The following CELA1 variants were observed in gnomAD, a reference collection of about 807,000 sequenced individuals.
CELA1 encodes the protein chymotrypsin-like elastase family member 1.
A neutral mutation model predicts 34.8 loss-of-function variants in CELA1; 28 were observed. That is an observed-to-expected ratio of 0.80 (90% CI 0.60 to 1.10). The LOEUF is 1.10. Ranked by LOEUF, CELA1 falls within the 50% of genes least tolerant of loss-of-function variation. CELA1 has a pLI of 0.00. For synonymous variants in CELA1, 140 were observed against 129.8 expected (o/e 1.08, Z -0.53); for missense variants, 288 against 327.5 (o/e 0.88, Z 0.93).
intron 5 of CELA1, among the ~76,000 whole-genome samples, chr12:51,340,809 C>T (rs1946529627): frequency 6.6e-6 from 1 of 152,020 alleles, no homozygotes; most frequent in Non-Finnish European, 1.5e-5. Context: ...AGTTCGAGGC[C>T]AGCCTAGGCA....
rs534392117 is a variant in CELA1 at position 51,345,856 on chromosome 12, G to A, written c.38C>T (p.Pro13Leu). Reference sequence around the variant, plus strand: ...TCCGACTACGCGGGCATTGGTTTCCGGAAGGTCCTGGGTGCTGTGTCCTTT... The same window carrying A: ...TCCGACTACGCGGGCATTGGTTTCCAGAAGGTCCTGGGTGCTGTGTCCTTT... ...VLYGHSTQDL[P>L]ETNARVVGGT... The change falls in exon 2 of 8, where the codon CCG becomes CTG. Residue 13 changes from proline to leucine, a missense_variant. Coordinates refer to ENST00000293636, the MANE Select transcript of CELA1 (RefSeq NM_001971.6). 2,258 of 1,558,966 alleles carry A rather than the reference G, an allele frequency of 1.4e-3. 49 individuals carry two copies. The South Asian group carries it at 0.025, about 17-fold the overall frequency.
At position 51,328,488 on chromosome 12, in the gene CELA1, T is replaced by C. The variant is rs978707791; in HGVS notation, c.*89A>G. 2.9e-5 allele frequency: 38 copies of C among 1,309,904 alleles called. No individual in the cohort carries two copies. The highest frequency in any genetic ancestry group is 3.7e-4 in the Middle Eastern group (2 of 5,450). The allele number at this position is 1,309,904 out of a possible 1,614,324, so 81.1% of individuals were successfully genotyped here. On this transcript the variant is annotated 3_prime_UTR_variant, in exon 8 of 8. Coordinates refer to ENST00000293636, the MANE Select transcript of CELA1 (RefSeq NM_001971.6). ...TGCTTTTCTATCAATGGCTCAATAG[T>C]CTTTCAGAATGTGTTTTACTTTTTG...
chr12:51,330,171 C>G (rs1946461901), intron 6 of CELA1, among the ~76,000 whole-genome samples: 1 of 152,184 alleles, frequency 6.6e-6, no homozygotes, highest in African/African-American at 2.4e-5. Context: ...CTTTAAATAT[C>G]TAAAGTTCAA....
chr12:51,341,448 C>A, intron 4 of CELA1, 68 bp from the exon 5 acceptor site: 1 of 1,554,142 alleles, frequency 6.4e-7, no homozygotes, highest in Non-Finnish European at 8.8e-7. Context: ...TATACACTGG[C>A]CCTCTCTAAG....
intron 6 of CELA1, among the ~76,000 whole-genome samples, chr12:51,332,088 G>A (rs1946473293): frequency 6.6e-6 from 1 of 151,888 alleles, no homozygotes; most frequent in Non-Finnish European, 1.5e-5. Flanking sequence ...AGGAGATTGA[G>A]GTGGGAGGAT....
chr12:51,333,307 T>G (rs1199779991), intron 6 of CELA1, among the ~76,000 whole-genome samples: 1 of 152,058 alleles, frequency 6.6e-6, no homozygotes, highest in Non-Finnish European at 1.5e-5. Context: ...TTGGTCAGGC[T>G]GGTCTTGAAC....
intron 6 of CELA1, among the ~76,000 whole-genome samples, chr12:51,336,171 G>A (rs1188410935): frequency 6.6e-6 from 1 of 152,038 alleles, no homozygotes; most frequent in East Asian, 1.9e-4. Flanking sequence ...TCCTTTCTTA[G>A]ATCCTAGTGG....
intron 1 of CELA1, 123 bp downstream of exon 1, chr12:51,346,500 C>T: frequency 4.5e-6 from 4 of 893,236 alleles, no homozygotes; most frequent in Non-Finnish European, 7.3e-6. Flanking sequence ...GGACAGGGTG[C>T]TGGCCTGGAC....
At chr12:51,344,252 C>T (rs892998016) in intron 2 of CELA1, among the ~76,000 whole-genome samples, 2 of 152,182 alleles carry the variant, frequency 1.3e-5, no homozygotes, top group Non-Finnish European at 2.9e-5. Context: ...AGGGATGCTC[C>T]ATCGCTTGGT....
Position 51,329,673 on chromosome 12 carries a change from A to C in CELA1, c.759+11T>G. ...TGACCCCATTTCAACCCATCATTTG[A>C]GAGGACTCACATTATTTATCCAGGA... On this transcript the variant is annotated intron_variant, in intron 7 of 7. Transcript: ENST00000293636. The C allele has an allele frequency of 6.2e-7, 1 of 1,601,482 alleles. No individual in the cohort carries two copies. Among genetic ancestry groups the C allele is most frequent in the South Asian group, 1.1e-5 (1 of 89,490 alleles).
At chr12:51,334,567 GGGACTAC>G (rs1476729088) in intron 6 of CELA1, among the ~76,000 whole-genome samples, 3 of 152,212 alleles carry the variant, frequency 2.0e-5, no homozygotes, top group African/African-American at 7.2e-5. Context: ...CCGAGTAGCT[GGGACTAC>G]AGGCACCCGC....
intron 4 of CELA1, among the ~76,000 whole-genome samples, chr12:51,341,926 C>T (rs1946538031): frequency 6.6e-6 from 1 of 152,078 alleles, no homozygotes; most frequent in Non-Finnish European, 1.5e-5. Flanking sequence ...ATGATAAAAC[C>T]CCCCATAGAA....
Position 51,341,253 on chromosome 12 carries a change from T to C in CELA1, c.454A>G (p.Lys152Glu). ...NSPCYITGWGKTKTNGQLAQT... is the reference protein window; with the variant it reads ...NSPCYITGWGETKTNGQLAQT... ...AATGTAGGCAACTTACTCTTGGTCTTGCCCCAGCCTGTGATGTAGCAGGGA... is the reference window on the plus strand; with the variant it reads ...AATGTAGGCAACTTACTCTTGGTCTCGCCCCAGCCTGTGATGTAGCAGGGA... The change falls in exon 5 of 8, where the codon AAG (lysine) becomes GAG (glutamate). Residue 152 changes from lysine to glutamate, a missense_variant. Transcript: ENST00000293636. 3 of 1,614,126 alleles carry C rather than the reference T, an allele frequency of 1.9e-6. No individual in the cohort carries two copies. Among genetic ancestry groups the C allele is most frequent in the Non-Finnish European group, 2.5e-6 (3 of 1,180,006 alleles).
At chr12:51,345,357 G>A (rs763406114) in intron 2 of CELA1, among the ~76,000 whole-genome samples, 5 of 152,168 alleles carry the variant, frequency 3.3e-5, no homozygotes, top group Admixed American at 6.5e-5. Context: ...TTAGCAAAGT[G>A]GAAACTCTAA....
chr12:51,343,738 CTT>C lies in CELA1; in HGVS notation c.200+13_200+14del. 1 of 1,503,328 alleles carries C rather than the reference CTT, an allele frequency of 6.7e-7. No individual in the cohort carries two copies. Among genetic ancestry groups the C allele is most frequent in the Non-Finnish European group, 9.3e-7 (1 of 1,080,190 alleles). 93.1% of individuals were successfully genotyped at this position (1,503,328 alleles called of 1,614,324 possible). On this transcript the variant is annotated intron_variant, in intron 3 of 7. Transcript: ENST00000293636. Reference sequence around the variant, plus strand: ...CTTCCAGGGGCCCAGGAAAGCTTGTCTTTGTTTTTCTTACTAATCCACGCAGT... The same window carrying C: ...CTTCCAGGGGCCCAGGAAAGCTTGTCTGTTTTTCTTACTAATCCACGCAGT...
intron 6 of CELA1, among the ~76,000 whole-genome samples, chr12:51,335,269 T>G (rs1027104170): frequency 6.6e-6 from 1 of 152,154 alleles, no homozygotes; most frequent in Non-Finnish European, 1.5e-5. Flanking sequence ...TCTTTTCTCT[T>G]TTTTTGAGAC....
chr12:51,345,941 G>T, intron 1 of CELA1, 64 bp from the exon 2 acceptor site: 2 of 1,154,824 alleles, frequency 1.7e-6, no homozygotes, highest in South Asian at 1.4e-5. Context: ...GTAGGGGTGG[G>T]GGGTGGCGAT....
intron 6 of CELA1, among the ~76,000 whole-genome samples, chr12:51,331,355 C>T (rs1946468924): frequency 6.6e-6 from 1 of 152,230 alleles, no homozygotes; most frequent in Non-Finnish European, 1.5e-5. Flanking sequence ...CACCACTGCA[C>T]TTCAGCCTGG....
chr12:51,337,289 C>G (rs773273199), intron 6 of CELA1, among the ~76,000 whole-genome samples: 1 of 152,156 alleles, frequency 6.6e-6, no homozygotes, highest in Non-Finnish European at 1.5e-5. Flanking sequence ...AATCCCAGCA[C>G]TCCAGGAGGC....
Sources: gnomAD v4.1 joint callset for allele counts (sites outside exome capture counted in the v4.1 genomes callset) on GRCh38, gnomAD v4.1.1 for gene constraint, MANE v1.5 for transcripts, NCBI Gene and HGNC (gene_info 2026-07-23, HGNC 2026-07-21) for gene names.